The following ATG7 variants were observed in gnomAD, a reference collection of about 807,000 sequenced individuals.
ATG7 encodes ubiquitin-like modifier-activating enzyme ATG7.
ATG7 carries 70 observed loss-of-function variants against 82.4 expected under a neutral mutation model. That is an observed-to-expected ratio of 0.85 (90% confidence interval 0.70 to 1.04). ATG7 has a LOEUF of 1.04. Ranked by LOEUF, ATG7 falls within the 50% of genes least tolerant of loss-of-function variation. The probability of loss-of-function intolerance (pLI) is 0.00; values close to 1 mark genes in which losing one functional copy is unlikely to be tolerated. For missense variants in ATG7, 792 were observed against 864.3 expected (o/e 0.92, Z 1.05); for synonymous variants, 287 against 313.0 (o/e 0.92, Z 0.88).
At chr3:11,467,446 G>A (rs1405217828) in intron 20 of ATG7, among the ~76,000 whole-genome samples, 1 of 152,122 alleles carries the variant, frequency 6.6e-6, no homozygotes, top group Non-Finnish European at 1.5e-5. Flanking sequence ...GTGCGATCTC[G>A]GCTTACTGCA....
chr3:11,277,317 C>T (rs1002274403), intron 1 of ATG7: 2 of 152,276 alleles, frequency 1.3e-5, no homozygotes, highest in Non-Finnish European at 2.9e-5. Context: ...CATGATATGG[C>T]CTTTGCCTGC....
chr3:11,575,569 C>A, the ATG7 span, among the ~76,000 whole-genome samples: 8 of 152,312 alleles, frequency 5.3e-5, no homozygotes, highest in Non-Finnish European at 1.2e-4. Flanking sequence ...CTTGGGAAAC[C>A]TGGCGGATCC....
chr3:11,415,506 A>G (rs2081295211), intron 19 of ATG7, among the ~76,000 whole-genome samples: 1 of 152,156 alleles, frequency 6.6e-6, no homozygotes, highest in South Asian at 2.1e-4. Context: ...CAGCCATACA[A>G]AAACATTTTT....
At chr3:11,340,978 GCT>G (rs1953477957) in intron 12 of ATG7, among the ~76,000 whole-genome samples, 2 of 152,290 alleles carry the variant, frequency 1.3e-5, no homozygotes, top group African/African-American at 4.8e-5. Flanking sequence ...TAAAGCTCAT[GCT>G]CTCAGACCAC....
At chr3:11,314,044 T>C (rs1260064432) in intron 8 of ATG7, among the ~76,000 whole-genome samples, 1 of 152,204 alleles carries the variant, frequency 6.6e-6, no homozygotes, top group Non-Finnish European at 1.5e-5. Context: ...TCATTTTCAA[T>C]GTGGGGAAAC....
At chr3:11,558,389 G>GC (rs1056502750), downstream of ATG7, 1 of 1,153,842 alleles carries the variant, frequency 8.7e-7, no homozygotes, top group African/African-American at 1.6e-5. Flanking sequence ...CGGATACCAA[G>GC]CAAGTACAAA....
chr3:11,536,812 C>T (rs939544821), intron 20 of ATG7, among the ~76,000 whole-genome samples: 2 of 152,192 alleles, frequency 1.3e-5, no homozygotes, highest in African/African-American at 4.8e-5. Flanking sequence ...CCTCTCTGAG[C>T]CTCCATCTTC....
chr3:11,301,909 G>A (rs1478081090), intron 5 of ATG7, among the ~76,000 whole-genome samples: 1 of 152,158 alleles, frequency 6.6e-6, no homozygotes, highest in East Asian at 1.9e-4. Flanking sequence ...GAAAAATGCA[G>A]TTCACAGAAG....
At chr3:11,549,919 C>T (rs1473722474) in intron 20 of ATG7, among the ~76,000 whole-genome samples, 1 of 152,198 alleles carries the variant, frequency 6.6e-6, no homozygotes, top group East Asian at 1.9e-4. Context: ...CTTCAGCTCT[C>T]CGAGGAGGTG....
chr3:11,511,162 C>T (rs975498706), intron 20 of ATG7, among the ~76,000 whole-genome samples: 20 of 152,180 alleles, frequency 1.3e-4, no homozygotes, highest in South Asian at 1.0e-3. Flanking sequence ...GCTTCCACAG[C>T]GTGGAAGGGG....
Position 11,452,024 on chromosome 3 carries a change from G to C in ATG7, c.2079+25098G>C, listed in dbSNP as rs545969082. On this transcript the variant is annotated intron_variant, in intron 20 of 20. Coordinates refer to ENST00000693202, the MANE Select transcript of ATG7 (RefSeq NM_001349232.2). ...ATGGTCACCAGGGACTTGGGGGGTT[G>C]GGGGGTTGTGGGAGGGAAATAGGGA... Among the ~76,000 whole-genome samples the C allele has an allele frequency of 7.1e-3, 1,070 of 151,620 alleles. 15 individuals carry two copies. Among genetic ancestry groups the C allele is most frequent in the African/African-American group, 0.025 (1,015 of 41,342 alleles).
chr3:11,308,398 T>A (rs555823779), intron 6 of ATG7: 1 of 152,600 alleles, frequency 6.6e-6, no homozygotes, highest in South Asian at 2.1e-4. Flanking sequence ...CAGGGCAAGA[T>A]AATCTCAAAT....
At chr3:11,533,860 CTTA>C (rs1428601726) in intron 20 of ATG7, among the ~76,000 whole-genome samples, 6 of 152,128 alleles carry the variant, frequency 3.9e-5, no homozygotes, top group South Asian at 2.1e-4. Flanking sequence ...TTTAAAAATA[CTTA>C]TTAAGAGAAT....
At chr3:11,285,531 A>C (rs1943846855) in intron 3 of ATG7, among the ~76,000 whole-genome samples, 1 of 152,066 alleles carries the variant, frequency 6.6e-6, no homozygotes, top group African/African-American at 2.4e-5. Flanking sequence ...GCAAATGTTT[A>C]GCTTGTGGCT....
chr3:11,464,629 C>A (rs2086653635), intron 20 of ATG7, among the ~76,000 whole-genome samples: 2 of 152,132 alleles, frequency 1.3e-5, no homozygotes, highest in African/African-American at 4.8e-5. Flanking sequence ...TTTAATTATA[C>A]CATTTAATTA....
intron 11 of ATG7, among the ~76,000 whole-genome samples, chr3:11,339,688 T>G (rs1953194966): frequency 6.6e-6 from 1 of 152,196 alleles, no homozygotes; most frequent in African/African-American, 2.4e-5. Flanking sequence ...TAAGAGAATT[T>G]TGCAACAGTA....
intron 3 of ATG7, among the ~76,000 whole-genome samples, chr3:11,284,295 T>C (rs1943572189): frequency 2.0e-5 from 3 of 152,218 alleles, no homozygotes; most frequent in Non-Finnish European, 4.4e-5. Flanking sequence ...GCGGTCTCAC[T>C]CCAGGAAGCA....
intron 18 of ATG7, among the ~76,000 whole-genome samples, chr3:11,372,291 G>T (rs1422554140): frequency 6.6e-6 from 1 of 151,044 alleles, no homozygotes; most frequent in African/African-American, 2.4e-5. Context: ...ATATTGTAGA[G>T]CTAGTTTAGG....
intron 5 of ATG7, among the ~76,000 whole-genome samples, chr3:11,305,444 A>G (rs188312212): frequency 6.3e-4 from 96 of 152,276 alleles, no homozygotes; most frequent in Non-Finnish European, 1.2e-3. Context: ...CTTGTGTCCA[A>G]ATTAGATCAT....
Sources: gnomAD v4.1 joint callset for allele counts (sites outside exome capture counted in the v4.1 genomes callset) on GRCh38, gnomAD v4.1.1 for gene constraint, MANE v1.5 for transcripts, NCBI Gene and HGNC (gene_info 2026-07-23, HGNC 2026-07-21) for gene names.